INSL6: variants seen among roughly 807,000 people sequenced by gnomAD.
INSL6 encodes the protein insulin like 6.
INSL6 carries 16 observed loss-of-function variants against 9.4 expected under a neutral mutation model. That is an observed-to-expected ratio of 1.70 (90% CI 1.15 to 2.59). The LOEUF is 2.59. INSL6 is among the 30% of genes most tolerant of loss of function. The pLI is 0.00. For synonymous variants in INSL6, 154 were observed against 96.9 expected (o/e 1.59, Z -3.46); for missense variants, 391 against 257.3 (o/e 1.52, Z -3.56).
intron 1 of INSL6, among the ~76,000 whole-genome samples, chr9:5,182,501 A>G (rs1586882518): frequency 6.6e-6 from 1 of 152,108 alleles, no homozygotes; most frequent in East Asian, 1.9e-4. Flanking sequence ...AGGCTTCATG[A>G]GGGTAGGAGC....
the INSL6 span, chr9:5,099,606 G>C: frequency 1.3e-5 from 2 of 152,112 alleles, no homozygotes; most frequent in Non-Finnish European, 1.5e-5. Context: ...TACAATTCTA[G>C]GCCTACCAGC....
downstream of INSL6, among the ~76,000 whole-genome samples, chr9:5,119,815 TACTGCTAA>T (rs1823476778): frequency 6.6e-6 from 1 of 152,156 alleles, no homozygotes; most frequent in South Asian, 2.1e-4. Flanking sequence ...AAAAAATATA[TACTGCTAA>T]AAGCAAATCA....
downstream of INSL6, among the ~76,000 whole-genome samples, chr9:5,123,698 C>A (rs538625107): frequency 6.6e-6 from 1 of 151,972 alleles, no homozygotes; most frequent in East Asian, 1.9e-4. Context: ...AATGGTAGTT[C>A]TATATTTAGG....
At chr9:5,040,806 G>A in the INSL6 span, 1 of 206,294 alleles carries the variant, frequency 4.8e-6, no homozygotes, top group Non-Finnish European at 9.9e-6. Context: ...AGGCGGTGCA[G>A]GAGCTGGAGC....
intron 3 of INSL6, chr9:5,128,290 T>TAAAGC (rs1457005448): frequency 1.3e-5 from 3 of 226,454 alleles, no homozygotes; most frequent in African/African-American, 6.7e-5. Context: ...TTATTATACT[T>TAAAGC]AAAGCATTTT....
At chr9:5,026,434 C>T in the INSL6 span, among the ~76,000 whole-genome samples, 3 of 152,114 alleles carry the variant, frequency 2.0e-5, no homozygotes, top group Non-Finnish European at 2.9e-5. Flanking sequence ...TGTAAGTAGA[C>T]GGTCGTGTTA....
chr9:5,179,558 A>G (rs1195664515), intron 1 of INSL6, among the ~76,000 whole-genome samples: 3 of 152,246 alleles, frequency 2.0e-5, no homozygotes, highest in African/African-American at 7.2e-5. Context: ...TGTTCATTGC[A>G]GCACTATTCA....
At chr9:5,147,773 G>A (rs904140858) in intron 2 of INSL6, among the ~76,000 whole-genome samples, 6 of 152,038 alleles carry the variant, frequency 3.9e-5, no homozygotes, top group African/African-American at 9.7e-5. Flanking sequence ...TTTTGACTGC[G>A]TTGATTTGAA....
intron 1 of INSL6, among the ~76,000 whole-genome samples, chr9:5,180,326 A>T (rs1311226122): frequency 6.6e-6 from 1 of 152,184 alleles, no homozygotes; most frequent in Non-Finnish European, 1.5e-5. Context: ...ACCTTGAAAA[A>T]GAACAGAATA....
At chr9:5,098,763 A>T in the INSL6 span, 1 of 150,150 alleles carries the variant, frequency 6.7e-6, no homozygotes, top group Non-Finnish European at 1.5e-5. Context: ...GTGTGATCTC[A>T]GCTCACTGCA....
chr9:5,181,285 A>G (rs1825445315), intron 1 of INSL6, among the ~76,000 whole-genome samples: 1 of 152,220 alleles, frequency 6.6e-6, no homozygotes, highest in African/African-American at 2.4e-5. Context: ...CAGATAAATG[A>G]CATCCTATAG....
At chr9:5,087,355 T>C in the INSL6 span, among the ~76,000 whole-genome samples, 1 of 152,172 alleles carries the variant, frequency 6.6e-6, no homozygotes, top group Non-Finnish European at 1.5e-5. Context: ...GAGAACAGCA[T>C]GGAGGAAACC....
chr9:5,000,028 G>C, the INSL6 span, among the ~76,000 whole-genome samples: 1 of 152,026 alleles, frequency 6.6e-6, no homozygotes, highest in African/African-American at 2.4e-5. Context: ...ACTTTTCTCT[G>C]ATTCTTAATT....
the INSL6 span, among the ~76,000 whole-genome samples, chr9:5,092,632 C>G: frequency 6.6e-6 from 1 of 152,116 alleles, no homozygotes; most frequent in Admixed American, 6.5e-5. Flanking sequence ...AAGACAAGCC[C>G]TTATACCTTC....
Position 5,185,603 on chromosome 9 carries a change from C to G in INSL6, c.-1G>C. Reference sequence around the variant, plus strand: ...GGGACAAGCGGAGGAGCCGCGGCATCCCTGTGACCCCAGGCTAGTCCTCCG... The same window carrying G: ...GGGACAAGCGGAGGAGCCGCGGCATGCCTGTGACCCCAGGCTAGTCCTCCG... On this transcript the variant is annotated 5_prime_UTR_variant, in exon 1 of 2. Coordinates refer to ENST00000381641, the MANE Select transcript of INSL6 (RefSeq NM_007179.3). The G allele has an allele frequency of 1.2e-6, 2 of 1,610,392 alleles. No individual in the cohort carries two copies. Among genetic ancestry groups the G allele is most frequent in the South Asian group, 1.1e-5 (1 of 90,650 alleles).
chr9:5,045,279 A>C, the INSL6 span, among the ~76,000 whole-genome samples: 1 of 152,182 alleles, frequency 6.6e-6, no homozygotes, highest in South Asian at 2.1e-4. Flanking sequence ...TGTAGGAAAC[A>C]AGCCCACAGA....
chr9:5,023,583 T>C, the INSL6 span, among the ~76,000 whole-genome samples: 3 of 152,332 alleles, frequency 2.0e-5, no homozygotes, highest in South Asian at 6.2e-4. Context: ...ACAGTAGGAA[T>C]GTGGACCATT....
chr9:5,122,893 A>G, downstream of INSL6: 1 of 644,622 alleles, frequency 1.6e-6, no homozygotes, highest in Non-Finnish European at 2.6e-6. Context: ...CTGCTGTGAT[A>G]ACTCTTTTCT....
At chr9:5,077,517 T>C in the INSL6 span, 10,809 of 1,463,058 alleles carry the variant, frequency 7.4e-3, 683 homozygotes, top group African/African-American at 0.13. Context: ...AGAATAAAAA[T>C]TGTATAAATA....
Sources: gnomAD v4.1 joint callset for allele counts (sites outside exome capture counted in the v4.1 genomes callset) on GRCh38, gnomAD v4.1.1 for gene constraint, MANE v1.5 for transcripts, NCBI Gene and HGNC (gene_info 2026-07-23, HGNC 2026-07-21) for gene names.